CPNE4: variants seen among roughly 807,000 people sequenced by gnomAD.
CPNE4 encodes copine 4.
In CPNE4, 25 loss-of-function variants were observed where a neutral mutation model predicts 67.9. That is an observed-to-expected ratio of 0.37 (90% CI 0.27 to 0.51). The LOEUF (loss-of-function observed/expected upper bound fraction) is 0.51, where lower values mean the gene tolerates loss of function less well. CPNE4 is among the 20% of genes least tolerant of loss of function. CPNE4 has a pLI of 0.93. For synonymous variants in CPNE4, 242 were observed against 244.9 expected (o/e 0.99, Z 0.11); for missense variants, 464 against 690.8 (o/e 0.67, Z 3.68).
chr3:131,932,108 A>G (rs1418454133), intron 1 of CPNE4, among the ~76,000 whole-genome samples: 1 of 152,200 alleles, frequency 6.6e-6, no homozygotes, highest in African/African-American at 2.4e-5. Context: ...TGTGAATATC[A>G]GAAAGATCTC....
chr3:131,704,537 T>C (rs745492412), intron 3 of CPNE4, among the ~76,000 whole-genome samples: 2 of 152,202 alleles, frequency 1.3e-5, no homozygotes, highest in Non-Finnish European at 1.5e-5. Flanking sequence ...CTCTTTGCTA[T>C]CTCACTTCTC....
chr3:131,590,569 T>C (rs1938466806), intron 7 of CPNE4, among the ~76,000 whole-genome samples: 1 of 152,184 alleles, frequency 6.6e-6, no homozygotes, highest in Non-Finnish European at 1.5e-5. Flanking sequence ...TATTTTTTTC[T>C]GATTCCAAAA....
chr3:131,799,919 TTGTG>T (rs3070292), intron 2 of CPNE4, among the ~76,000 whole-genome samples: 30,193 of 145,440 alleles, frequency 0.21, 3,369 homozygotes, highest in South Asian at 0.3. Context: ...TGTGTGTGTG[TTGTG>T]TGTGTGTGTG....
chr3:131,987,647 C>T (rs1202049326), intron 1 of CPNE4, among the ~76,000 whole-genome samples: 1 of 152,154 alleles, frequency 6.6e-6, no homozygotes. Flanking sequence ...CTTGGCCTCC[C>T]AAAGTGCTGG....
chr3:131,785,051 A>G (rs577805272), intron 2 of CPNE4, among the ~76,000 whole-genome samples: 97 of 152,220 alleles, frequency 6.4e-4, no homozygotes, highest in South Asian at 1.7e-3. Flanking sequence ...CTATATGTGT[A>G]GAATGGAGAT....
At chr3:131,738,854 CTTT>C (rs34053204) in intron 2 of CPNE4, among the ~76,000 whole-genome samples, 1 of 140,134 alleles carries the variant, frequency 7.1e-6, no homozygotes, top group African/African-American at 2.6e-5. Context: ...TTTTCTTTTT[CTTT>C]TTTTTTTTTT....
intron 2 of CPNE4, among the ~76,000 whole-genome samples, chr3:131,751,268 G>T (rs2082617156): frequency 6.6e-6 from 1 of 151,840 alleles, no homozygotes; most frequent in African/African-American, 2.4e-5. Flanking sequence ...TTCCTTCTTG[G>T]ACTATGACAA....
chr3:132,026,574 A>C (rs922277386), intron 1 of CPNE4, among the ~76,000 whole-genome samples: 1 of 152,214 alleles, frequency 6.6e-6, no homozygotes, highest in African/African-American at 2.4e-5. Context: ...TTATTTATAA[A>C]ACAGTACTAT....
chr3:131,811,645 T>C (rs757045767), intron 2 of CPNE4, among the ~76,000 whole-genome samples: 2 of 152,172 alleles, frequency 1.3e-5, no homozygotes, highest in Non-Finnish European at 2.9e-5. Flanking sequence ...TTAGTCCTTA[T>C]ATAAAAGTTC....
intron 10 of CPNE4, among the ~76,000 whole-genome samples, chr3:131,567,175 T>C (rs1182696949): frequency 6.6e-6 from 1 of 151,898 alleles, no homozygotes; most frequent in Non-Finnish European, 1.5e-5. Context: ...GGTGTCTTGA[T>C]ATAAAACTAG....
In CPNE4 at chr3:131,650,744, C is replaced by CAAAAAAAA. The variant is rs141219633; in HGVS notation, c.681+18923_681+18930dup. Among the ~76,000 whole-genome samples the CAAAAAAAA allele has an allele frequency of 4.4e-4, 27 of 61,196 alleles. 1 individual carries two copies. The highest frequency in any genetic ancestry group is 2.1e-3 in the African/African-American group (24 of 11,526). The allele number at this position is 61,196 out of a possible 152,430, so 40.1% of individuals were successfully genotyped here. ...TGGGGGACAGAGCAAGACTCCGTCT[C>CAAAAAAAA]AAAAAAAAAAAAAAAAAAAAAAAAA... On this transcript the variant is annotated intron_variant, in intron 7 of 15. Transcript: ENST00000429747.
At position 131,959,292 on chromosome 3, in the gene CPNE4, G is replaced by A. The variant is rs61793600; in HGVS notation, c.-1-53848C>T. Among the ~76,000 whole-genome samples, 14 of 109,628 alleles carry A rather than the reference G, an allele frequency of 1.3e-4. 1 individual carries two copies. The highest frequency in any genetic ancestry group is 2.4e-4 in the Non-Finnish European group (13 of 55,140). 71.9% of individuals were successfully genotyped at this position (109,628 alleles called of 152,430 possible). A position where few individuals can be genotyped will look rare whatever the true frequency, so the allele number is the denominator to read the frequency against. On this transcript the variant is annotated intron_variant, in intron 1 of 15. Coordinates refer to ENST00000429747, the MANE Select transcript of CPNE4 (RefSeq NM_130808.3). ...TGGGATTACAGGCGTGAGCCACCGC[G>A]CCCGGCCGATACACCTTTCTAAGTT...
intron 1 of CPNE4, among the ~76,000 whole-genome samples, chr3:131,982,673 A>G (rs1239290517): frequency 6.6e-6 from 1 of 152,194 alleles, no homozygotes; most frequent in Non-Finnish European, 1.5e-5. Flanking sequence ...TTGTTTACAC[A>G]TAAGAAAGTA....
At position 131,776,791 on chromosome 3, in the gene CPNE4, T is replaced by G. The variant is rs529160955; in HGVS notation, c.181-53166A>C. Among the ~76,000 whole-genome samples the G allele has an allele frequency of 3.1e-4, 47 of 152,254 alleles. 1 individual carries two copies. Among genetic ancestry groups the G allele is most frequent in the Admixed American group, 7.9e-4 (12 of 15,284 alleles). Reference sequence around the variant, plus strand: ...ATGCCTTTTGTTCATCAAGAGCTGATAGTTGATTAAGGACCTCTCTTTAGG... The same window carrying G: ...ATGCCTTTTGTTCATCAAGAGCTGAGAGTTGATTAAGGACCTCTCTTTAGG... On this transcript the variant is annotated intron_variant, in intron 2 of 15. Transcript: ENST00000429747.
chr3:131,822,452 A>G (rs1185989666), intron 2 of CPNE4, among the ~76,000 whole-genome samples: 2 of 152,162 alleles, frequency 1.3e-5, no homozygotes, highest in Non-Finnish European at 2.9e-5. Context: ...CTCCTTTCAC[A>G]TTCACCCCAA....
intron 1 of CPNE4, among the ~76,000 whole-genome samples, chr3:132,008,658 A>G (rs1006492515): frequency 2.6e-5 from 4 of 152,218 alleles, no homozygotes; most frequent in African/African-American, 9.6e-5. Context: ...CTATGGGTTC[A>G]GTCAGATATG....
At chr3:131,967,294 T>A (rs947538737) in intron 1 of CPNE4, among the ~76,000 whole-genome samples, 1 of 152,172 alleles carries the variant, frequency 6.6e-6, no homozygotes, top group African/African-American at 2.4e-5. Flanking sequence ...ACTGGAAGCA[T>A]TCCCTTGAAA....
chr3:131,663,281 G>A (rs904384821), intron 7 of CPNE4, among the ~76,000 whole-genome samples: 1 of 151,830 alleles, frequency 6.6e-6, no homozygotes, highest in African/African-American at 2.4e-5. Flanking sequence ...TGGACACAGG[G>A]AGGGGAACAT....
At chr3:131,639,809 C>T (rs1426376138) in intron 7 of CPNE4, among the ~76,000 whole-genome samples, 1 of 152,004 alleles carries the variant, frequency 6.6e-6, no homozygotes, top group African/African-American at 2.4e-5. Flanking sequence ...AGATAATTCA[C>T]CATTATCAAG....
Sources: allele counts gnomAD v4.1 joint callset (sites outside exome capture counted in the v4.1 genomes callset), GRCh38; gene constraint gnomAD v4.1.1; transcripts MANE v1.5; gene names NCBI Gene and HGNC (gene_info 2026-07-23, HGNC 2026-07-21).